Variants in SLC41A1 observed in about 807,000 individuals in gnomAD.
SLC41A1 encodes the protein solute carrier family 41 member 1.
Under a neutral mutation model 47.3 loss-of-function variants are expected in SLC41A1, and 20 were observed. The observed-to-expected ratio is 0.42, with a 90% CI of 0.30 to 0.61. SLC41A1 has a LOEUF of 0.61. Ranked by LOEUF, SLC41A1 falls within the 20% of genes least tolerant of loss-of-function variation. The probability of loss-of-function intolerance (pLI) is 0.17; values close to 1 mark genes in which losing one functional copy is unlikely to be tolerated. For missense variants in SLC41A1, 504 were observed against 674.1 expected (o/e 0.75, Z 2.79); for synonymous variants, 282 against 272.7 (o/e 1.03, Z -0.34).
rs1655835135 is a variant in SLC41A1 at position 205,799,821 on chromosome 1, C to T, written c.490G>A (p.Gly164Arg). The change falls in exon 4 of 11, where the codon GGA (glycine) becomes AGA (arginine). Residue 164 changes from glycine (G) to arginine (R), a missense_variant. Around this residue, in one of 2 missense-constraint regions of SLC41A1, gnomAD observed 421 missense variants for 601.6 expected, o/e 0.70. Coordinates refer to ENST00000367137, the MANE Select transcript of SLC41A1 (RefSeq NM_173854.6). ...AGCTCCTTGGGTGTGTCCATGTGTC[C>T]AATGTTGGCCTGGGAAAGGGAGGGC... ...ASRLSTAANI[G>R]HMDTPKELWR... 1.2e-6 allele frequency: 2 copies of T among 1,613,942 alleles called. No individual in the cohort carries two copies. The highest frequency in any genetic ancestry group is 1.7e-6 in the Non-Finnish European group (2 of 1,179,980).
chr1:205,798,834 G>A lies in SLC41A1; in HGVS notation c.698-19C>T, dbSNP rs749519503. The A allele has an allele frequency of 1.6e-5, 26 of 1,614,102 alleles. No individual in the cohort carries two copies. In the African/African-American group the frequency reaches 2.9e-4, roughly 18 times the overall value. On this transcript the variant is annotated intron_variant, in intron 5 of 10. Coordinates refer to ENST00000367137, the MANE Select transcript of SLC41A1 (RefSeq NM_173854.6). ...ATCATACCTGGTGAGCAAGTGGGAG[G>A]AGGGGCAGGCAGGGTGAGAAGAGAT...
intron 10 of SLC41A1, among the ~76,000 whole-genome samples, chr1:205,794,080 T>C (rs1037884855): frequency 6.6e-6 from 1 of 152,166 alleles, no homozygotes; most frequent in African/African-American, 2.4e-5. Flanking sequence ...TTTTCTGTAT[T>C]TTGGTTATAG....
At chr1:205,798,934 C>T (rs1160160487) in intron 5 of SLC41A1, 23 bp downstream of exon 5, 1 of 1,614,150 alleles carries the variant, frequency 6.2e-7, no homozygotes, top group Non-Finnish European at 8.5e-7. Flanking sequence ...ACTCCTTACT[C>T]CTCTATGCCC....
intron 2 of SLC41A1, among the ~76,000 whole-genome samples, chr1:205,808,828 C>G (rs193079970): frequency 6.6e-6 from 1 of 152,204 alleles, no homozygotes; most frequent in Non-Finnish European, 1.5e-5. Context: ...TGCAGGGTTC[C>G]CCTGAAGGGC....
At chr1:205,801,933 T>G (rs823065) in intron 2 of SLC41A1, among the ~76,000 whole-genome samples, 129,475 of 152,184 alleles carry the variant, frequency 0.85, 56,115 homozygotes, top group Non-Finnish European at 0.94. Flanking sequence ...TGTGAATGAG[T>G]AAACTGGGGT....
At chr1:205,809,534 G>T (rs1656095496) in intron 2 of SLC41A1, among the ~76,000 whole-genome samples, 1 of 152,206 alleles carries the variant, frequency 6.6e-6, no homozygotes, top group Admixed American at 6.5e-5. Flanking sequence ...AGGGGATTAT[G>T]CCAAGGTTAC....
intron 9 of SLC41A1, 48 bp from the exon 10 acceptor site, chr1:205,795,066 T>C: frequency 3.7e-6 from 6 of 1,608,040 alleles, no homozygotes; most frequent in Non-Finnish European, 5.1e-6. Flanking sequence ...GGAGAAGACC[T>C]GGCCCCAGAA....
At chr1:205,809,882 G>A (rs763653541) in intron 2 of SLC41A1, among the ~76,000 whole-genome samples, 188 bp downstream of exon 2, 2 of 152,092 alleles carry the variant, frequency 1.3e-5, no homozygotes, top group African/African-American at 4.8e-5. Context: ...AGGGCTACTC[G>A]GTTTCCTTGA....
intron 2 of SLC41A1, among the ~76,000 whole-genome samples, chr1:205,803,868 G>A (rs571580356): frequency 1.4e-4 from 21 of 152,094 alleles, no homozygotes; most frequent in Non-Finnish European, 3.1e-4. Context: ...GGATCCTCTC[G>A]CCTCGACCTC....
chr1:205,810,404 A>T lies in SLC41A1; in HGVS notation c.38T>A (p.Leu13Gln). The T allele has an allele frequency of 6.2e-7, 1 of 1,614,224 alleles. No homozygotes were observed. The highest frequency in any genetic ancestry group is 8.5e-7 in the Non-Finnish European group (1 of 1,180,034). ...AGAGGCAGAAGGGCCAGTCCCGTTC[A>T]GTTGGTGGACGTCCTTCGGCTCTGG... Reference protein sequence around the residue: ...SKPEPKDVHQLNGTGPSASPC... With the variant: ...SKPEPKDVHQQNGTGPSASPC... The change falls in exon 2 of 11, where the codon CTG (leucine) becomes CAG (glutamine). Residue 13 changes from leucine (L) to glutamine (Q), a missense_variant. Physicochemically the swap from Leu to Gln is moderately radical, Grantham distance 113. Around this residue, in one of 2 missense-constraint regions of SLC41A1, gnomAD observed 83 missense variants for 72.5 expected, o/e 1.15. Transcript: ENST00000367137. The surrounding 1 kb of genome is among the most constrained non-coding windows in gnomAD (Gnocchi z 5.5).
Position 205,798,723 on chromosome 1 carries a change from G to C in SLC41A1, c.790C>G (p.Leu264Val). ...CCTGAGAGCAGCGCCAAGGTGATGA[G>C]GTCGCCCAGGCTGGCAGCAATGGGT... ...ATPIAASLGD[L>V]ITLALLSGIS... Residue 264 changes from leucine to valine, a missense_variant, in exon 6 of 11, where the codon CTC becomes GTC. Leu to Val is a conservative substitution (Grantham distance 32). Transcript: ENST00000367137. The C allele has an allele frequency of 6.2e-7, 1 of 1,614,178 alleles. No homozygotes were observed. Among genetic ancestry groups the C allele is most frequent in the Middle Eastern group, 1.6e-4 (1 of 6,062 alleles).
At position 205,808,429 on chromosome 1, in the gene SLC41A1, C is replaced by T. The variant is rs73082315; in HGVS notation, c.372+1641G>A. Among the ~76,000 whole-genome samples the T allele has an allele frequency of 1.5e-3, 228 of 152,284 alleles. 1 individual carries two copies. Among genetic ancestry groups the T allele is most frequent in the African/African-American group, 4.8e-3 (199 of 41,550 alleles). On this transcript the variant is annotated intron_variant, in intron 2 of 10. Transcript: ENST00000367137. Reference sequence around the variant, plus strand: ...TATGGATCCTACCTCATGGGCCTACCGAAGAGCCCCCCAAATGCTTCCCCA... The same window carrying T: ...TATGGATCCTACCTCATGGGCCTACTGAAGAGCCCCCCAAATGCTTCCCCA...
Position 205,790,231 on chromosome 1 carries a change from A to G in SLC41A1, c.*1302T>C. On this transcript the variant is annotated 3_prime_UTR_variant, in exon 11 of 11. Transcript: ENST00000367137. The stretch of plus-strand genomic sequence containing the variant: ...TTACAACGAGGAAACTTTCTCTGCC[A>G]GATTCAAAGGGGCACATGGCCTTTG... The G allele has an allele frequency of 6.6e-6, 1 of 152,272 alleles. No individual in the cohort carries two copies. The highest frequency in any genetic ancestry group is 1.5e-5 in the Non-Finnish European group (1 of 68,070). The allele number at this position is 152,272 out of a possible 1,614,324, so 9.4% of individuals were successfully genotyped here.
intron 2 of SLC41A1, among the ~76,000 whole-genome samples, chr1:205,803,642 T>A (rs1048126374): frequency 7.9e-5 from 12 of 151,236 alleles, no homozygotes; most frequent in African/African-American, 2.9e-4. Context: ...CTTTTTTTTT[T>A]TTTTTTTTTT....
chr1:205,798,877 C>A, intron 5 of SLC41A1, 62 bp from the exon 6 acceptor site: 1 of 1,614,114 alleles, frequency 6.2e-7, no homozygotes, highest in Non-Finnish European at 8.5e-7. Context: ...TCTCAACAAA[C>A]AAAAAGAGAG....
chr1:205,812,513 G>C (rs190223492), intron 1 of SLC41A1, among the ~76,000 whole-genome samples: 1 of 152,212 alleles, frequency 6.6e-6, no homozygotes, highest in Non-Finnish European at 1.5e-5. Context: ...GAACCTGAGA[G>C]GGGGCTCCCA....
At position 205,791,549 on chromosome 1, in the gene SLC41A1, G is replaced by C. The variant is rs753516125; in HGVS notation, c.1526C>G (p.Thr509Arg). 2 of 1,613,998 alleles carry C rather than the reference G, an allele frequency of 1.2e-6. No homozygotes were observed. Among genetic ancestry groups the C allele is most frequent in the Non-Finnish European group, 1.7e-6 (2 of 1,180,030 alleles). The change falls in exon 11 of 11, where the codon ACG becomes AGG. Residue 509 changes from threonine to arginine, a missense_variant. Thr to Arg is a moderately conservative substitution (Grantham distance 71). This residue lies in a region of SLC41A1 where 421 missense variants were observed against 601.6 expected (regional missense o/e 0.70). Coordinates refer to ENST00000367137, the MANE Select transcript of SLC41A1 (RefSeq NM_173854.6). This position sits in a 1 kb window ranked among gnomAD's most constrained non-coding sequence, Gnocchi z 4.0. ...HVLWLIGDRD[T>R]DVGD ...GTGACCAAGCTAGTCCCCGACATCC[G>C]TGTCTCGGTCCCCTATGAGCCAGAG...
chr1:205,795,033 A>G lies in SLC41A1; in HGVS notation c.1208-15T>C. 1.2e-6 allele frequency: 2 copies of G among 1,613,526 alleles called. No individual in the cohort carries two copies. Among genetic ancestry groups the G allele is most frequent in the Non-Finnish European group, 1.7e-6 (2 of 1,179,828 alleles). ...AGAATTCACATCTGGAATTGGGGAAAAGAGGGTGTAAAGAGGAGGGGAGGA... is the reference window on the plus strand; with the variant it reads ...AGAATTCACATCTGGAATTGGGGAAGAGAGGGTGTAAAGAGGAGGGGAGGA... On this transcript the variant is annotated splice_polypyrimidine_tract_variant and intron_variant, in intron 9 of 10. Coordinates refer to ENST00000367137, the MANE Select transcript of SLC41A1 (RefSeq NM_173854.6).
At chr1:205,795,546 TCTCA>T (rs1655731654) in intron 8 of SLC41A1, 68 bp from the exon 9 acceptor site, 1 of 1,578,986 alleles carries the variant, frequency 6.3e-7, no homozygotes, top group African/African-American at 1.3e-5. Context: ...AAAATGATCT[TCTCA>T]CTCTTTGTCT....
Sources: gnomAD v4.1 joint callset for allele counts (sites outside exome capture counted in the v4.1 genomes callset) on GRCh38, gnomAD v4.1.1 for gene constraint, gnomAD v4.1.1 regional missense constraint, Gnocchi (gnomAD v3.1) non-coding constraint, MANE v1.5 for transcripts, NCBI Gene and HGNC (gene_info 2026-07-23, HGNC 2026-07-21) for gene names.